Variants in COG5 observed in about 807,000 individuals in gnomAD.
The protein encoded by COG5 is conserved oligomeric Golgi complex subunit 5.
A neutral mutation model predicts 110.4 loss-of-function variants in COG5; 86 were observed. That is an observed-to-expected ratio of 0.78 (90% CI 0.65 to 0.93). The LOEUF (loss-of-function observed/expected upper bound fraction) is 0.93. COG5 is among the 40% of genes least tolerant of loss of function. COG5 has a pLI of 0.00. For synonymous variants in COG5, 360 were observed against 334.6 expected (o/e 1.08, Z -0.83); for missense variants, 1,077 against 987.0 (o/e 1.09, Z -1.22).
chr7:107,549,774 G>A (rs980393130), intron 3 of COG5, among the ~76,000 whole-genome samples: 15 of 151,852 alleles, frequency 9.9e-5, no homozygotes, highest in Non-Finnish European at 2.2e-4. Flanking sequence ...CTTCTCCTCT[G>A]TCAGACCTCT....
At chr7:107,419,104 A>C (rs894166973) in intron 6 of COG5, among the ~76,000 whole-genome samples, 1 of 152,186 alleles carries the variant, frequency 6.6e-6, no homozygotes, top group Admixed American at 6.5e-5. Context: ...TTTTAAAGAC[A>C]ATTTTTCACA....
intron 19 of COG5, among the ~76,000 whole-genome samples, chr7:107,219,985 G>A (rs1377173035): frequency 6.6e-6 from 1 of 152,152 alleles, no homozygotes; most frequent in Non-Finnish European, 1.5e-5. Flanking sequence ...AAAATCCTAT[G>A]AGTTAGGTAC....
intron 10 of COG5, among the ~76,000 whole-genome samples, chr7:107,344,427 T>C (rs2129037777): frequency 6.6e-6 from 1 of 152,368 alleles, no homozygotes; most frequent in Admixed American, 6.5e-5. Context: ...GATATTGCTC[T>C]TGATTAGGCT....
intron 7 of COG5, among the ~76,000 whole-genome samples, chr7:107,390,703 T>C (rs1790563043): frequency 6.7e-6 from 1 of 150,292 alleles, no homozygotes; most frequent in African/African-American, 2.5e-5. Context: ...GGTCACTCTT[T>C]GACTGGAAAA....
At chr7:107,234,587 C>T (rs944730386) in intron 18 of COG5, among the ~76,000 whole-genome samples, 5 of 152,138 alleles carry the variant, frequency 3.3e-5, no homozygotes, top group African/African-American at 1.2e-4. Flanking sequence ...TTGGCCATCT[C>T]CTGCTCGGCT....
intron 12 of COG5, among the ~76,000 whole-genome samples, chr7:107,293,970 G>C (rs1196383766): frequency 6.6e-6 from 1 of 152,120 alleles, no homozygotes; most frequent in East Asian, 1.9e-4. Flanking sequence ...TGCTCGGGAG[G>C]CTGAGGTGGG....
At position 107,202,526 on chromosome 7, in the gene COG5, C is replaced by G. The variant is rs1049580164; in HGVS notation, c.*990G>C. On this transcript the variant is annotated 3_prime_UTR_variant, in exon 22 of 22. Transcript: ENST00000297135. ...AAATGGAAAAAAAAGTTGCTTATCT[C>G]TGACGTCTACTGATTGATTGATTGA... 1 of 152,032 alleles carries G rather than the reference C, an allele frequency of 6.6e-6. No homozygotes were observed. Among genetic ancestry groups the G allele is most frequent in the Admixed American group, 6.6e-5 (1 of 15,232 alleles). The allele number at this position is 152,032 out of a possible 1,614,324, so 9.4% of individuals were successfully genotyped here.
chr7:107,420,637 A>AT (rs1360379506), intron 6 of COG5, among the ~76,000 whole-genome samples: 1 of 152,036 alleles, frequency 6.6e-6, no homozygotes, highest in Non-Finnish European at 1.5e-5. Flanking sequence ...ATTTTTCTGT[A>AT]TTTTTAATAG....
At chr7:107,449,909 A>G (rs1795233102) in intron 6 of COG5, among the ~76,000 whole-genome samples, 1 of 152,236 alleles carries the variant, frequency 6.6e-6, no homozygotes, top group African/African-American at 2.4e-5. Flanking sequence ...AGGCACACCT[A>G]TATGATTCAA....
chr7:107,358,128 T>C (rs939329650), intron 10 of COG5, among the ~76,000 whole-genome samples: 4 of 152,258 alleles, frequency 2.6e-5, no homozygotes, highest in African/African-American at 9.6e-5. Flanking sequence ...TATTTACTTT[T>C]GATATTTTCC....
At chr7:107,527,441 T>C in intron 5 of COG5, 84 bp from the exon 6 acceptor site, 1 of 1,473,252 alleles carries the variant, frequency 6.8e-7, no homozygotes, top group East Asian at 2.4e-5. Context: ...CACAGTGGGT[T>C]GATAGGTGCA....
intron 10 of COG5, among the ~76,000 whole-genome samples, chr7:107,345,933 C>T (rs1052695548): frequency 1.3e-5 from 2 of 152,100 alleles, no homozygotes; most frequent in African/African-American, 4.8e-5. Context: ...TGCTTTGTAT[C>T]AGAAAATCAG....
rs569562190 is a variant in COG5 at position 107,252,216 on chromosome 7, A to G, written c.1750-3717T>C. On this transcript the variant is annotated intron_variant, in intron 16 of 21. Transcript: ENST00000297135. The stretch of plus-strand genomic sequence containing the variant: ...CACTGCACTCCAGCCTGGGCAGCAC[A>G]GTGGAACCCTGTCTTTAAACAAACC... Among the ~76,000 whole-genome samples the G allele has an allele frequency of 6.7e-4, 102 of 152,280 alleles. No homozygotes were observed. In the Middle Eastern group the frequency reaches 0.01, roughly 15 times the overall value.
At chr7:107,340,601 T>C (rs948375943) in intron 10 of COG5, among the ~76,000 whole-genome samples, 1 of 152,180 alleles carries the variant, frequency 6.6e-6, no homozygotes, top group South Asian at 2.1e-4. Flanking sequence ...CCAGACAACA[T>C]TGCTGATAAA....
intron 11 of COG5, among the ~76,000 whole-genome samples, chr7:107,307,453 C>A (rs1318458050): frequency 6.6e-6 from 1 of 152,144 alleles, no homozygotes; most frequent in East Asian, 1.9e-4. Context: ...GTATAATGAA[C>A]CTCTGTGTAT....
chr7:107,530,376 C>A (rs557746735), intron 5 of COG5, among the ~76,000 whole-genome samples: 5 of 152,162 alleles, frequency 3.3e-5, no homozygotes, highest in South Asian at 2.1e-4. Flanking sequence ...CCAAGGCGGG[C>A]GGATCACCTT....
intron 5 of COG5, among the ~76,000 whole-genome samples, chr7:107,546,440 T>G (rs1268154581): frequency 6.8e-6 from 1 of 146,452 alleles, no homozygotes; most frequent in Non-Finnish European, 1.5e-5. Context: ...TTTTTGTTTT[T>G]TTTTTTTTTT....
intron 6 of COG5, among the ~76,000 whole-genome samples, chr7:107,467,131 A>G (rs1406781578): frequency 6.6e-6 from 1 of 152,238 alleles, no homozygotes; most frequent in East Asian, 1.9e-4. Context: ...ATATGCAATT[A>G]AAATATTTAT....
In COG5 at chr7:107,508,237, G is replaced by A. The variant is rs111846011; in HGVS notation, c.538+19000C>T. 8.1e-4 allele frequency among the ~76,000 whole-genome samples: 124 copies of A among 152,332 alleles called. 3 individuals carry two copies. In the South Asian group the frequency reaches 0.022, roughly 27 times the overall value. ...ACGGCACACCAGGGGATTATATCCC[G>A]CACCTGGCTCGGAGGGTCCTATGCC... is the stretch of plus-strand genomic sequence containing the variant. On this transcript the variant is annotated intron_variant, in intron 6 of 21. Transcript: ENST00000297135.
Sources: gnomAD v4.1 joint callset for allele counts (sites outside exome capture counted in the v4.1 genomes callset) on GRCh38, gnomAD v4.1.1 for gene constraint, MANE v1.5 for transcripts, NCBI Gene and HGNC (gene_info 2026-07-23, HGNC 2026-07-21) for gene names.